The following TMEM132C variants were observed in gnomAD, a reference collection of about 807,000 sequenced individuals.
TMEM132C encodes transmembrane protein 132C, also known as protein phosphatase 1, regulatory subunit 152.
In TMEM132C, 29 loss-of-function variants were observed where a neutral mutation model predicts 61.4. That is an observed-to-expected ratio of 0.47 (90% CI 0.35 to 0.64). TMEM132C has a LOEUF of 0.64. Ranked by LOEUF, TMEM132C falls within the 30% of genes least tolerant of loss-of-function variation. The probability of loss-of-function intolerance (pLI) is 0.00; values close to 1 mark genes in which losing one functional copy is unlikely to be tolerated. For synonymous variants in TMEM132C, 656 were observed against 633.1 expected (o/e 1.04, Z -0.54); for missense variants, 1,408 against 1,476.9 (o/e 0.95, Z 0.76).
intron 4 of TMEM132C, among the ~76,000 whole-genome samples, chr12:128,629,726 G>C (rs956729535): frequency 3.3e-5 from 5 of 152,148 alleles, no homozygotes; most frequent in Non-Finnish European, 7.3e-5. Flanking sequence ...CCAGCACTTT[G>C]GGAGGCCAAG....
intron 2 of TMEM132C, among the ~76,000 whole-genome samples, chr12:128,538,208 C>T (rs1160800962): frequency 1.3e-5 from 2 of 152,184 alleles, no homozygotes; most frequent in Admixed American, 6.5e-5. Flanking sequence ...GCAACCTCTG[C>T]CTCCTGGGTT....
At chr12:128,647,054 G>C (rs1423172607) in intron 4 of TMEM132C, among the ~76,000 whole-genome samples, 51 of 121,330 alleles carry the variant, frequency 4.2e-4, no homozygotes, top group East Asian at 7.6e-4. Flanking sequence ...TTACTGGAGT[G>C]CATCAGCGTT....
intron 1 of TMEM132C, among the ~76,000 whole-genome samples, chr12:128,309,726 CT>C (rs1212792170): frequency 0.018 from 2,629 of 144,380 alleles, 61 homozygotes; most frequent in African/African-American, 0.06. Context: ...TCCTTTTTTT[CT>C]TTTTTTTTTT....
chr12:128,366,393 A>G (rs1448615914), intron 1 of TMEM132C, among the ~76,000 whole-genome samples: 2 of 152,184 alleles, frequency 1.3e-5, no homozygotes, highest in Non-Finnish European at 1.5e-5. Flanking sequence ...CTCCTGCAGA[A>G]TGGGGTTTAA....
rs1954838215 is a variant in TMEM132C at position 128,706,136 on chromosome 12, T to C, written c.3168T>C (p.Phe1056=). Residue 1056 remains phenylalanine, a synonymous_variant, in exon 9 of 9, where the codon TTT becomes TTC. Transcript: ENST00000435159. The part of the protein sequence containing the change: ...SPTSKRKKVK[F]TTFTTIPPDD... Reference sequence around the variant, plus strand: ...CCTCCAAGAGGAAGAAGGTGAAATTTACCACCTTTACCACCATCCCCCCGG... The same window carrying C: ...CCTCCAAGAGGAAGAAGGTGAAATTCACCACCTTTACCACCATCCCCCCGG... 2 of 1,551,720 alleles carry C rather than the reference T, an allele frequency of 1.3e-6. No individual in the cohort carries two copies. The highest frequency in any genetic ancestry group is 4.9e-5 in the East Asian group (2 of 40,920).
At chr12:128,531,918 T>A (rs1873324188) in intron 2 of TMEM132C, among the ~76,000 whole-genome samples, 1 of 152,176 alleles carries the variant, frequency 6.6e-6, no homozygotes, top group Non-Finnish European at 1.5e-5. Flanking sequence ...AGGCTCCTGG[T>A]GGCAGACGGG....
chr12:128,605,581 G>A (rs1876393220), intron 3 of TMEM132C, among the ~76,000 whole-genome samples: 1 of 152,154 alleles, frequency 6.6e-6, no homozygotes, highest in South Asian at 2.1e-4. Context: ...GACCAGATGG[G>A]GCAGGAGGAC....
intron 8 of TMEM132C, among the ~76,000 whole-genome samples, chr12:128,700,069 A>G (rs905707948): frequency 2.0e-5 from 3 of 152,202 alleles, no homozygotes; most frequent in Non-Finnish European, 4.4e-5. Context: ...AGAATGGATA[A>G]TGAATTAGGG....
chr12:128,631,175 C>T (rs1381623469), intron 4 of TMEM132C, among the ~76,000 whole-genome samples: 1 of 152,214 alleles, frequency 6.6e-6, no homozygotes, highest in African/African-American at 2.4e-5. Context: ...TCGTAATGGT[C>T]TGTGTCTGCA....
At chr12:128,678,370 C>T (rs1394581503) in intron 5 of TMEM132C, among the ~76,000 whole-genome samples, 4 of 152,202 alleles carry the variant, frequency 2.6e-5, no homozygotes, top group Admixed American at 1.3e-4. Flanking sequence ...CAAGGACGCT[C>T]ATTCCTTGAG....
At chr12:128,651,579 G>A (rs1358349690) in intron 4 of TMEM132C, among the ~76,000 whole-genome samples, 1 of 152,178 alleles carries the variant, frequency 6.6e-6, no homozygotes, top group African/African-American at 2.4e-5. Context: ...CAGTGGGGGA[G>A]GAACAGCGAC....
At chr12:128,297,459 C>T (rs866904392) in intron 1 of TMEM132C, among the ~76,000 whole-genome samples, 4 of 152,158 alleles carry the variant, frequency 2.6e-5, no homozygotes, top group South Asian at 2.1e-4. Flanking sequence ...ATCATGGCTC[C>T]GGGTCTCTAA....
At chr12:128,423,801 A>AGGCG (rs112317188) in intron 2 of TMEM132C, among the ~76,000 whole-genome samples, 2,713 of 152,130 alleles carry the variant, frequency 0.018, 74 homozygotes, top group African/African-American at 0.061. Context: ...TGGGAGGCTG[A>AGGCG]GGCGGGCGGA....
chr12:128,367,509 C>T (rs1392716533), intron 1 of TMEM132C, among the ~76,000 whole-genome samples: 1 of 152,176 alleles, frequency 6.6e-6, no homozygotes, highest in Admixed American at 6.5e-5. Flanking sequence ...ATCTGATGGG[C>T]TCCAGTTTGG....
At chr12:128,449,095 C>T (rs950602820) in intron 2 of TMEM132C, among the ~76,000 whole-genome samples, 1 of 143,066 alleles carries the variant, frequency 7.0e-6, no homozygotes, top group African/African-American at 2.7e-5. Flanking sequence ...CGAGATCACG[C>T]CACTGTACTC....
intron 4 of TMEM132C, among the ~76,000 whole-genome samples, chr12:128,660,047 C>A (rs1006848818): frequency 2.6e-4 from 40 of 152,348 alleles, no homozygotes; most frequent in African/African-American, 9.4e-4. Context: ...AGGGTGAGAA[C>A]AGAGTCTCCC....
intron 3 of TMEM132C, among the ~76,000 whole-genome samples, chr12:128,600,375 C>T (rs1158299601): frequency 1.3e-5 from 2 of 152,192 alleles, no homozygotes; most frequent in East Asian, 3.8e-4. Context: ...CTTCTCCTTC[C>T]ACCATGATTG....
chr12:128,481,804 C>T (rs746165761), intron 2 of TMEM132C, among the ~76,000 whole-genome samples: 90 of 151,820 alleles, frequency 5.9e-4, no homozygotes, highest in South Asian at 8.3e-4. Flanking sequence ...TTCCCAGCTG[C>T]GGCACTGGAG....
intron 3 of TMEM132C, among the ~76,000 whole-genome samples, chr12:128,595,811 G>A (rs963792177): frequency 2.0e-5 from 3 of 152,330 alleles, no homozygotes; most frequent in East Asian, 1.9e-4. Context: ...CACACTGACC[G>A]TACAGAATGG....
Sources: gnomAD v4.1 joint callset for allele counts (sites outside exome capture counted in the v4.1 genomes callset) on GRCh38, gnomAD v4.1.1 for gene constraint, MANE v1.5 for transcripts, NCBI Gene and HGNC (gene_info 2026-07-23, HGNC 2026-07-21) for gene names.